TRPC7: variants seen among roughly 807,000 people sequenced by gnomAD.
TRPC7 encodes transient receptor potential cation channel subfamily C member 7.
In TRPC7, 42 loss-of-function variants were observed where a neutral mutation model predicts 90.1. The observed-to-expected ratio is 0.47, with a 90% CI of 0.36 to 0.60. The LOEUF (loss-of-function observed/expected upper bound fraction) is 0.60. TRPC7 is among the 20% of genes least tolerant of loss of function. TRPC7 has a pLI of 0.00. For synonymous variants in TRPC7, 451 were observed against 436.3 expected (o/e 1.03, Z -0.42); for missense variants, 955 against 1,112.3 (o/e 0.86, Z 2.01).
intron 7 of TRPC7, among the ~76,000 whole-genome samples, chr5:136,242,104 A>G (rs977256871): frequency 1.3e-5 from 2 of 152,232 alleles, no homozygotes; most frequent in African/African-American, 4.8e-5. Context: ...GTCCCCAGTC[A>G]CAAAATTCCT....
intron 2 of TRPC7, among the ~76,000 whole-genome samples, chr5:136,347,306 T>C (rs1268887038): frequency 6.6e-6 from 1 of 152,192 alleles, no homozygotes; most frequent in Non-Finnish European, 1.5e-5. Flanking sequence ...AGATTTTGGG[T>C]GGCCAGAAAA....
intron 2 of TRPC7, among the ~76,000 whole-genome samples, chr5:136,341,776 C>T (rs940808841): frequency 1.3e-5 from 2 of 152,206 alleles, no homozygotes; most frequent in African/African-American, 4.8e-5. Flanking sequence ...AGGCTTAGCT[C>T]CTGCTTCTGA....
At chr5:136,347,915 C>T (rs1192442188) in intron 2 of TRPC7, among the ~76,000 whole-genome samples, 2 of 152,176 alleles carry the variant, frequency 1.3e-5, no homozygotes, top group African/African-American at 2.4e-5. Context: ...AAACGGTGGT[C>T]CTGGAAGCAG....
chr5:136,302,822 C>T (rs954674166), intron 3 of TRPC7, among the ~76,000 whole-genome samples: 9 of 152,138 alleles, frequency 5.9e-5, no homozygotes, highest in Non-Finnish European at 1.3e-4. Context: ...TTCTTTTACA[C>T]ATCAGTCCCT....
At chr5:136,260,664 A>T (rs1756828426) in intron 5 of TRPC7, among the ~76,000 whole-genome samples, 1 of 152,158 alleles carries the variant, frequency 6.6e-6, no homozygotes, top group Non-Finnish European at 1.5e-5. Flanking sequence ...ATTCTGAGGG[A>T]AATGGGAAGC....
intron 2 of TRPC7, among the ~76,000 whole-genome samples, chr5:136,354,154 C>T (rs1459716297): frequency 3.3e-5 from 5 of 152,248 alleles, no homozygotes; most frequent in South Asian, 2.1e-4. Context: ...TCCTTTCGCA[C>T]GGCCAATGCA....
intron 1 of TRPC7, 100 bp downstream of exon 1, chr5:136,365,153 A>C (rs1487029764): frequency 1.5e-6 from 2 of 1,340,398 alleles, no homozygotes; most frequent in African/African-American, 2.9e-5. Context: ...GCACTAGAGG[A>C]AGAAGGCTGA....
In TRPC7 at chr5:136,252,308, C is replaced by T. The variant is rs553728357; in HGVS notation, c.1346-426G>A. Among the ~76,000 whole-genome samples, 8 of 152,136 alleles carry T rather than the reference C, an allele frequency of 5.3e-5. No homozygotes were observed. The East Asian group carries it at 1.4e-3, about 26-fold the overall frequency. Reference sequence around the variant, plus strand: ...ATGCCCCAAATTCTACAGAAATGCCCCAAGAACCTAGAACTATGGTTTTTT... The same window carrying T: ...ATGCCCCAAATTCTACAGAAATGCCTCAAGAACCTAGAACTATGGTTTTTT... On this transcript the variant is annotated intron_variant, in intron 5 of 11. Coordinates refer to ENST00000513104, the MANE Select transcript of TRPC7 (RefSeq NM_020389.3).
At chr5:136,236,499 A>G (rs1225416766) in intron 7 of TRPC7, among the ~76,000 whole-genome samples, 1 of 152,220 alleles carries the variant, frequency 6.6e-6, no homozygotes, top group Non-Finnish European at 1.5e-5. Context: ...AAGTTAGTCA[A>G]TAGGCCACCC....
At chr5:136,315,527 C>A in intron 3 of TRPC7, 70 bp downstream of exon 3, 1 of 1,545,508 alleles carries the variant, frequency 6.5e-7, no homozygotes. Flanking sequence ...TAGACATGAG[C>A]AAAAAGCAAG....
At chr5:136,302,239 TC>T (rs1348212446) in intron 3 of TRPC7, among the ~76,000 whole-genome samples, 39 of 152,218 alleles carry the variant, frequency 2.6e-4, no homozygotes, top group African/African-American at 8.7e-4. Context: ...TTCAAAGGTG[TC>T]AGACCACGCA....
At chr5:136,349,316 G>A (rs891405330) in intron 2 of TRPC7, among the ~76,000 whole-genome samples, 1 of 152,104 alleles carries the variant, frequency 6.6e-6, no homozygotes, top group Non-Finnish European at 1.5e-5. Flanking sequence ...TCTTGTGCTG[G>A]AAAAATCTGC....
At position 136,247,501 on chromosome 5, in the gene TRPC7, C is replaced by G; in HGVS notation, c.1814G>C (p.Arg605Pro). The change falls in exon 7 of 12, where the codon CGA (arginine) becomes CCA (proline). Residue 605 changes from arginine to proline, a missense_variant. Physicochemically the swap from Arg to Pro is moderately radical, Grantham distance 103. Around this residue, in one of 4 missense-constraint regions of TRPC7, gnomAD observed 296 missense variants for 422.7 expected, o/e 0.70. Transcript: ENST00000513104. This position sits in a 1 kb window ranked among gnomAD's most constrained non-coding sequence, Gnocchi z 4.2. ...AAACGCTGGGTTGTATTTGGCACCT[C>G]GGTAGTAAGAGTACAGGTTGAACAT... ...IGMFNLYSYY[R>P]GAKYNPAFTT... 1 of 1,613,626 alleles carries G rather than the reference C, an allele frequency of 6.2e-7. No homozygotes were observed. Among genetic ancestry groups the G allele is most frequent in the African/African-American group, 1.3e-5 (1 of 75,006 alleles).
At chr5:136,354,905 C>A (rs1760313159) in intron 2 of TRPC7, among the ~76,000 whole-genome samples, 1 of 152,212 alleles carries the variant, frequency 6.6e-6, no homozygotes, top group African/African-American at 2.4e-5. Context: ...ATGACCCAAC[C>A]ACTCCTACTC....
intron 2 of TRPC7, among the ~76,000 whole-genome samples, chr5:136,354,326 T>C (rs920247702): frequency 2.6e-5 from 4 of 152,232 alleles, no homozygotes; most frequent in African/African-American, 9.6e-5. Context: ...CTACATCCAC[T>C]AAGTTTTTCA....
At chr5:136,360,369 A>G (rs1580997331) in intron 1 of TRPC7, among the ~76,000 whole-genome samples, 2 of 152,360 alleles carry the variant, frequency 1.3e-5, no homozygotes, top group Non-Finnish European at 2.9e-5. Context: ...TGGTAGGTCA[A>G]GTGAAAAGAC....
chr5:136,327,666 C>T (rs1759382283), intron 2 of TRPC7, among the ~76,000 whole-genome samples: 1 of 152,120 alleles, frequency 6.6e-6, no homozygotes, highest in African/African-American at 2.4e-5. Flanking sequence ...AGTGGCTTCC[C>T]ACGGTGAGGA....
At chr5:136,334,923 C>T (rs562634407) in intron 2 of TRPC7, among the ~76,000 whole-genome samples, 1 of 152,240 alleles carries the variant, frequency 6.6e-6, no homozygotes, top group African/African-American at 2.4e-5. Context: ...TTCAAGGCCC[C>T]TTATCTTGTA....
chr5:136,296,162 T>C (rs1411798111), intron 3 of TRPC7, among the ~76,000 whole-genome samples: 1 of 152,100 alleles, frequency 6.6e-6, no homozygotes, highest in Non-Finnish European at 1.5e-5. Flanking sequence ...GGGGCAGGAT[T>C]CACACAGAAA....
Sources: gnomAD v4.1 joint callset for allele counts (sites outside exome capture counted in the v4.1 genomes callset) on GRCh38, gnomAD v4.1.1 for gene constraint, gnomAD v4.1.1 regional missense constraint, Gnocchi (gnomAD v3.1) non-coding constraint, MANE v1.5 for transcripts, NCBI Gene and HGNC (gene_info 2026-07-23, HGNC 2026-07-21) for gene names.